Variants in E2F7 observed in about 807,000 individuals in gnomAD.
E2F7 encodes the protein E2F transcription factor 7, also known as transcription factor E2F7.
A neutral mutation model predicts 81.1 loss-of-function variants in E2F7; 35 were observed. That is an observed-to-expected ratio of 0.43 (90% CI 0.33 to 0.57). The LOEUF is 0.57. Ranked by LOEUF, E2F7 falls within the 20% of genes least tolerant of loss-of-function variation. The pLI, the probability that E2F7 is intolerant of heterozygous loss-of-function variation, is 0.04. For synonymous variants in E2F7, 416 were observed against 416.2 expected (o/e 1.00, Z 0.01); for missense variants, 961 against 1,093.7 (o/e 0.88, Z 1.71).
intron 4 of E2F7, among the ~76,000 whole-genome samples, chr12:77,047,153 T>G (rs1212719243): frequency 2.6e-5 from 4 of 152,202 alleles, no homozygotes; most frequent in African/African-American, 7.2e-5. Context: ...GATTATAAAC[T>G]GTCCATTAAA....
rs61759461 is a variant in E2F7, at chr12:77,046,228, G to C, written c.639C>G (p.His213Gln). 1.2e-6 allele frequency: 2 copies of C among 1,614,166 alleles called. No homozygotes were observed. Among genetic ancestry groups the C allele is most frequent in the Non-Finnish European group, 1.7e-6 (2 of 1,180,030 alleles). Residue 213 changes from histidine (H) to glutamine (Q), a missense_variant, in exon 5 of 13, where the codon CAC becomes CAG. Physicochemically the swap from His to Gln is conservative, Grantham distance 24. This residue lies in a region of E2F7 where 301 missense variants were observed against 405.0 expected (regional missense o/e 0.74). Coordinates refer to ENST00000322886, the MANE Select transcript of E2F7 (RefSeq NM_203394.3). ...AKNQYGWHGR[H>Q]SLPKTLRNLQ... ...GGTTCCTCAGGGTTTTTGGCAGGCTGTGCCGTCCATGCCAGCCATACTGAT... is the reference window on the plus strand; with the variant it reads ...GGTTCCTCAGGGTTTTTGGCAGGCTCTGCCGTCCATGCCAGCCATACTGAT...
rs1565895629 is a variant in E2F7 at position 77,029,897 on chromosome 12, ATCC to A, written c.1815_1817del (p.Glu605del). 13 of 1,614,088 alleles carry A rather than the reference ATCC, an allele frequency of 8.1e-6. No homozygotes were observed. Among genetic ancestry groups the A allele is most frequent in the Non-Finnish European group, 7.6e-6 (9 of 1,180,050 alleles). On this transcript the variant is annotated inframe_deletion, in exon 10 of 13. Transcript: ENST00000322886. ...TACTTTGCCTTTTAGTGGCTGGCTC[ATCC>A]TCCTCCTGAGGTTTCCTCTCCTCAC...
Position 77,027,873 on chromosome 12 carries a change from C to T in E2F7, c.2140+10G>A, listed in dbSNP as rs1201623667. 3 of 1,613,232 alleles carry T rather than the reference C, an allele frequency of 1.9e-6. No homozygotes were observed. In the African/African-American group the frequency reaches 4.0e-5, roughly 22 times the overall value. On this transcript the variant is annotated intron_variant, in intron 11 of 12. Coordinates refer to ENST00000322886, the MANE Select transcript of E2F7 (RefSeq NM_203394.3). ...CGCAAGGGACTCTAAGACATGATGA[C>T]ATCCCTTACCTGCAGGAGACTGCAC...
intron 10 of E2F7, among the ~76,000 whole-genome samples, chr12:77,028,627 C>G (rs549958743): frequency 1.3e-5 from 2 of 152,034 alleles, no homozygotes; most frequent in Non-Finnish European, 2.9e-5. Flanking sequence ...GCCACCACAC[C>G]CAGCTAATTT....
chr12:77,057,079 G>C (rs1347369725), intron 2 of E2F7, among the ~76,000 whole-genome samples: 1 of 151,790 alleles, frequency 6.6e-6, no homozygotes, highest in Non-Finnish European at 1.5e-5. Context: ...TGGAGATAGG[G>C]TCTCACTCTG....
At chr12:77,058,004 G>A (rs1047139968) in intron 2 of E2F7, among the ~76,000 whole-genome samples, 1 of 152,272 alleles carries the variant, frequency 6.6e-6, no homozygotes, top group Middle Eastern at 3.4e-3. Flanking sequence ...TGTAGGCAAG[G>A]CAACTCTTGC....
At chr12:77,048,056 T>C (rs972062066) in intron 4 of E2F7, among the ~76,000 whole-genome samples, 1 of 152,168 alleles carries the variant, frequency 6.6e-6, no homozygotes, top group Non-Finnish European at 1.5e-5. Context: ...ACAAAATAAG[T>C]TTCTGACCAC....
chr12:77,033,096 C>T lies in E2F7; in HGVS notation c.1336G>A (p.Gly446Arg). Residue 446 changes from glycine (G) to arginine (R), a missense_variant, in exon 9 of 13, where the codon GGA becomes AGA. Coordinates refer to ENST00000322886, the MANE Select transcript of E2F7 (RefSeq NM_203394.3). Reference sequence around the variant, plus strand: ...TGTCTATAGACAGCTGCCAGGCTTCCAATTTCTAAAGAGTAGCCACCTGAT... The same window carrying T: ...TGTCTATAGACAGCTGCCAGGCTTCTAATTTCTAAAGAGTAGCCACCTGAT... The part of the protein sequence containing the change: ...QGSGGYSLEI[G>R]SLAAVYRQKI... The T allele has an allele frequency of 6.2e-7, 1 of 1,613,794 alleles. No individual in the cohort carries two copies. The highest frequency in any genetic ancestry group is 8.5e-7 in the Non-Finnish European group (1 of 1,179,946).
Position 77,044,799 on chromosome 12 carries a change from C to T in E2F7, c.830-4G>A, listed in dbSNP as rs1390788902. On this transcript the variant is annotated splice_region_variant and splice_polypyrimidine_tract_variant and intron_variant, in intron 5 of 12. Coordinates refer to ENST00000322886, the MANE Select transcript of E2F7 (RefSeq NM_203394.3). ...TCTTTTCTACTGTTTGCAGATGCTA[C>T]ACAAGGAATGAAACAAAAGCATCAA... The T allele has an allele frequency of 6.2e-7, 1 of 1,612,358 alleles. No homozygotes were observed. The highest frequency in any genetic ancestry group is 2.2e-5 in the East Asian group (1 of 44,864).
In E2F7 at chr12:77,028,075, G is replaced by T. The variant is rs758252992; in HGVS notation, c.1948C>A (p.Leu650Ile). ...TGGCCATTCACATGAATGTCTTTGAGGGGTATAGATGCCCTGTTACCCATA... is the reference window on the plus strand; with the variant it reads ...TGGCCATTCACATGAATGTCTTTGATGGGTATAGATGCCCTGTTACCCATA... ...KTMGNRASIP[L>I]KDIHVNGQLP... The change falls in exon 11 of 13, where the codon CTC (leucine) becomes ATC (isoleucine). Residue 650 changes from leucine to isoleucine, a missense_variant. Physicochemically the swap from Leu to Ile is conservative, Grantham distance 5. Coordinates refer to ENST00000322886, the MANE Select transcript of E2F7 (RefSeq NM_203394.3). 6.2e-7 allele frequency: 1 copy of T among 1,614,208 alleles called. No homozygotes were observed. Among genetic ancestry groups the T allele is most frequent in the Non-Finnish European group, 8.5e-7 (1 of 1,180,044 alleles).
chr12:77,024,184 G>C lies in E2F7; in HGVS notation c.2567C>G (p.Ser856Ter). ...HPVSVVKLHQ[S>*]PVPVTPKSIQ... Reference sequence around the variant, plus strand: ...GCTCTTGGGGGTCACTGGAACTGGTGACTGAAAAAAGAAAAAAGAAAAAAC... The same window carrying C: ...GCTCTTGGGGGTCACTGGAACTGGTCACTGAAAAAAGAAAAAAGAAAAAAC... Residue 856 changes from serine (S) to a stop codon, truncating the protein, a stop_gained and splice_region_variant, in exon 13 of 13, where the codon TCA becomes TGA. Transcript: ENST00000322886. LOFTEE classifies it low-confidence loss of function (END_TRUNC). 6.2e-7 allele frequency: 1 copy of C among 1,609,222 alleles called. No homozygotes were observed. Among genetic ancestry groups the C allele is most frequent in the Non-Finnish European group, 8.5e-7 (1 of 1,178,744 alleles).
rs1173600571 is a variant in E2F7 at position 77,028,018 on chromosome 12, C to G, written c.2005G>C (p.Ala669Pro). 1 of 1,614,044 alleles carries G rather than the reference C, an allele frequency of 6.2e-7. No homozygotes were observed. The highest frequency in any genetic ancestry group is 1.3e-5 in the African/African-American group (1 of 74,920). ...LPAAEEISGK[A>P]TANSLVSSEW... ...GAAGAAACAAGAGAGTTTGCTGTTG[C>G]CTTTCCTGAAATCTCTTCTGCAGCA... is the stretch of plus-strand genomic sequence containing the variant. Residue 669 changes from alanine to proline, a missense_variant, in exon 11 of 13, where the codon GCA becomes CCA. Physicochemically the swap from Ala to Pro is conservative, Grantham distance 27. Transcript: ENST00000322886.
chr12:77,054,393 TA>T (rs200234939), intron 3 of E2F7, among the ~76,000 whole-genome samples: 14 of 148,262 alleles, frequency 9.4e-5, no homozygotes, highest in Admixed American at 2.0e-4. Context: ...AAATTGAAAC[TA>T]AAAAAAAAAT....
At chr12:77,051,984 G>A (rs1173937791) in intron 3 of E2F7, among the ~76,000 whole-genome samples, 1 of 152,134 alleles carries the variant, frequency 6.6e-6, no homozygotes, top group Non-Finnish European at 1.5e-5. Flanking sequence ...AAGATAATAT[G>A]TTTTTTAAAG....
intron 3 of E2F7, 46 bp from the exon 4 acceptor site, chr12:77,050,790 A>G (rs530568356): frequency 6.3e-7 from 1 of 1,589,740 alleles, no homozygotes; most frequent in African/African-American, 1.3e-5. Context: ...CACAGTTAAC[A>G]TCCTAATGGA....
rs1224074613 is a variant in E2F7, at chr12:77,033,860, GTTC to G, written c.1303_1305del (p.Glu435del). On this transcript the variant is annotated inframe_deletion, in exon 8 of 13. Coordinates refer to ENST00000322886, the MANE Select transcript of E2F7 (RefSeq NM_203394.3). ...TAGATTATGCAAGGGCAGATACCTT[GTTC>G]TTCTCTGTACGGGCTGCTCGGTTCT... 1 of 1,601,990 alleles carries G rather than the reference GTTC, an allele frequency of 6.2e-7. No individual in the cohort carries two copies. Among genetic ancestry groups the G allele is most frequent in the Non-Finnish European group, 8.5e-7 (1 of 1,174,814 alleles).
Position 77,054,999 on chromosome 12 carries a change from G to A in E2F7, c.369+856C>T, listed in dbSNP as rs190888207. Among the ~76,000 whole-genome samples, 290 of 152,092 alleles carry A rather than the reference G, an allele frequency of 1.9e-3. 1 individual carries two copies. Among genetic ancestry groups the A allele is most frequent in the Non-Finnish European group, 3.1e-3 (214 of 67,994 alleles). Reference sequence around the variant, plus strand: ...CTTGTGTGATCCACATCAAACATAAGACGGAAAGGAAGCCAAAGAACAGCC... The same window carrying A: ...CTTGTGTGATCCACATCAAACATAAAACGGAAAGGAAGCCAAAGAACAGCC... On this transcript the variant is annotated intron_variant, in intron 3 of 12. Coordinates refer to ENST00000322886, the MANE Select transcript of E2F7 (RefSeq NM_203394.3).
intron 7 of E2F7, among the ~76,000 whole-genome samples, chr12:77,035,116 A>C (rs1954838099): frequency 6.6e-6 from 1 of 152,202 alleles, no homozygotes; most frequent in South Asian, 2.1e-4. Flanking sequence ...GGTGAGCTCT[A>C]TAATGATTTT....
rs535944364 is a variant in E2F7 at position 77,022,129 on chromosome 12, C to A, written c.*1886G>T. The A allele has an allele frequency of 6.6e-6, 1 of 152,294 alleles. No homozygotes were observed. Among genetic ancestry groups the A allele is most frequent in the African/African-American group, 2.4e-5 (1 of 41,562 alleles). The allele number at this position is 152,294 out of a possible 1,614,324, so 9.4% of individuals were successfully genotyped here. A position where few individuals can be genotyped will look rare whatever the true frequency, so the allele number is the denominator to read the frequency against. On this transcript the variant is annotated 3_prime_UTR_variant, in exon 13 of 13. Coordinates refer to ENST00000322886, the MANE Select transcript of E2F7 (RefSeq NM_203394.3). Reference sequence around the variant, plus strand: ...ATTTCTGTTTCCGTCTAAATGCAGACCTCTCCATGAAATATTTTGTGGAAG... The same window carrying A: ...ATTTCTGTTTCCGTCTAAATGCAGAACTCTCCATGAAATATTTTGTGGAAG...
Sources: gnomAD v4.1 joint callset for allele counts (sites outside exome capture counted in the v4.1 genomes callset) on GRCh38, gnomAD v4.1.1 for gene constraint, gnomAD v4.1.1 regional missense constraint, MANE v1.5 for transcripts, NCBI Gene and HGNC (gene_info 2026-07-23, HGNC 2026-07-21) for gene names.